The following C3 variants were observed in gnomAD, a reference collection of about 807,000 sequenced individuals.
The protein encoded by C3 is C3 and PZP-like alpha-2-macroglobulin domain-containing protein 1.
In C3, 97 loss-of-function variants were observed where a neutral mutation model predicts 207.9. The ratio of observed to expected loss-of-function variants is 0.47; its 90% CI spans 0.40 to 0.55. C3 has a LOEUF of 0.55. Ranked by LOEUF, C3 falls within the 20% of genes least tolerant of loss-of-function variation. The pLI is 0.00. For missense variants in C3, 1,684 were observed against 2,171.7 expected (o/e 0.78, Z 4.46); for synonymous variants, 848 against 857.6 (o/e 0.99, Z 0.20).
chr19:6,694,754 C>T (rs1306864396), intron 23 of C3, 120 bp from the exon 24 acceptor site: 2 of 862,618 alleles, frequency 2.3e-6, no homozygotes, highest in Non-Finnish European at 3.6e-6. Context: ...CAGGCGAGGA[C>T]TGGGGAGGAT....
At chr19:6,720,379 T>C (rs1293113929) in intron 1 of C3, 137 bp downstream of exon 1, 3 of 691,722 alleles carry the variant, frequency 4.3e-6, no homozygotes, top group African/African-American at 1.8e-5. Context: ...CAAATATATA[T>C]AATCATTCCC....
chr19:6,694,567 G>A lies in C3; in HGVS notation c.3018C>T (p.Thr1006=), dbSNP rs141373588. ...TGTTCTGTTCCCCGCAGCCCGAGGG[G>A]GTCACAATGAGGTGCTTCAGCCGTT... The part of the protein sequence containing the change: ...DAERLKHLIV[T]PSGCGEQNMI... Residue 1006 remains threonine, a synonymous_variant, in exon 24 of 41, where the codon ACC becomes ACT. Coordinates refer to ENST00000245907, the MANE Select transcript of C3 (RefSeq NM_000064.4). 59 of 1,613,962 alleles carry A rather than the reference G, an allele frequency of 3.7e-5. No individual in the cohort carries two copies. The African/African-American group carries it at 3.7e-4, about 10-fold the overall frequency.
chr19:6,714,142 C>G, intron 6 of C3, 24 bp downstream of exon 6: 2 of 1,605,604 alleles, frequency 1.2e-6, no homozygotes, highest in Non-Finnish European at 1.7e-6. Flanking sequence ...GGCACTGACT[C>G]CCCCCAGCCC....
In C3 at chr19:6,710,761, T is replaced by G; in HGVS notation, c.1564A>C (p.Thr522Pro). ...QDLVVLPLSI[T>P]TDFIPSFRLV... ...CGGAAGGAAGGGATGAAGTCGGTGG[T>G]GATGGACAGGGGCAGCACCACCAGG... The change falls in exon 13 of 41, where the codon ACC (threonine) becomes CCC (proline). Residue 522 changes from threonine to proline, a missense_variant. Transcript: ENST00000245907. The G allele has an allele frequency of 3.1e-6, 5 of 1,613,794 alleles. No individual in the cohort carries two copies. Among genetic ancestry groups the G allele is most frequent in the Non-Finnish European group, 4.2e-6 (5 of 1,180,010 alleles).
chr19:6,709,448 A>AAAACAAAC (rs11569424), intron 14 of C3, among the ~76,000 whole-genome samples: 4 of 151,508 alleles, frequency 2.6e-5, no homozygotes, highest in African/African-American at 7.3e-5. Context: ...CTCTGTCTCA[A>AAAACAAAC]AAACAAACAA....
intron 4 of C3, among the ~76,000 whole-genome samples, 194 bp from the exon 5 acceptor site, chr19:6,714,640 TC>T (rs1437701371): frequency 8.5e-5 from 13 of 152,292 alleles, no homozygotes; most frequent in Middle Eastern, 3.4e-3. Context: ...GGCGGGCAGA[TC>T]ACCTGAGGTC....
chr19:6,681,412 G>A (rs1289378179), intron 35 of C3, among the ~76,000 whole-genome samples: 1 of 150,650 alleles, frequency 6.6e-6, no homozygotes, highest in African/African-American at 2.4e-5. Context: ...TGGGTGCAGT[G>A]TCGCAGGCCT....
rs376376596 is a variant in C3 at position 6,710,620 on chromosome 19, G to A, written c.1686+19C>T. On this transcript the variant is annotated intron_variant, in intron 13 of 40. Coordinates refer to ENST00000245907, the MANE Select transcript of C3 (RefSeq NM_000064.4). ...GTAGGGAGAGGGAGAGGGGGCGAGC[G>A]AGCCCAGGGCACACTTACCGAGCCC... is the stretch of plus-strand genomic sequence containing the variant. 23 of 1,589,604 alleles carry A rather than the reference G, an allele frequency of 1.4e-5. No homozygotes were observed. The highest frequency in any genetic ancestry group is 2.2e-5 in the South Asian group (2 of 90,348).
chr19:6,694,626 C>T lies in C3; in HGVS notation c.2959G>A (p.Val987Met). 7 of 1,612,018 alleles carry T rather than the reference C, an allele frequency of 4.3e-6. No individual in the cohort carries two copies. Among genetic ancestry groups the T allele is most frequent in the Non-Finnish European group, 5.9e-6 (7 of 1,179,716 alleles). ...ACGGCATCCTCTGTCATCTGGGCCA[C>T]TGGGGTCCCTGCAGCAGGTGGGAAG... ...ETRILLQGTP[V>M]AQMTEDAVDA... The change falls in exon 24 of 41, where the codon GTG (valine) becomes ATG (methionine). Residue 987 changes from valine to methionine, a missense_variant. This residue lies in a region of C3 where 1,280 missense variants were observed against 1,739.1 expected (regional missense o/e 0.74). Coordinates refer to ENST00000245907, the MANE Select transcript of C3 (RefSeq NM_000064.4).
chr19:6,718,485 G>T, intron 2 of C3, 73 bp from the exon 3 acceptor site: 1 of 1,575,344 alleles, frequency 6.3e-7, no homozygotes, highest in Non-Finnish European at 8.7e-7. Flanking sequence ...CCGGATCTTG[G>T]GCTGGGTCCC....
intron 14 of C3, 49 bp downstream of exon 14, chr19:6,709,634 AG>A: frequency 4.4e-6 from 2 of 450,742 alleles, no homozygotes; most frequent in Non-Finnish European, 7.2e-6. Context: ...CCCCAGCCCC[AG>A]CTCCGTGCCT....
Position 6,693,094 on chromosome 19 carries a change from C to T in C3, c.3231-11G>A, listed in dbSNP as rs1210071365. 6.2e-7 allele frequency: 1 copy of T among 1,613,754 alleles called. No individual in the cohort carries two copies. The highest frequency in any genetic ancestry group is 1.1e-5 in the South Asian group (1 of 91,058). On this transcript the variant is annotated splice_polypyrimidine_tract_variant and intron_variant, in intron 25 of 40. Transcript: ENST00000245907. ...ACGTAGGCGGTCAGCCTGGAGTGGG[C>T]ACAGAGCATGAGCCAATCGGCTCTG...
rs1386345136 is a variant in C3, at chr19:6,678,026, G to A, written c.4851-3C>T. Reference sequence around the variant, plus strand: ...CCTTCCCGATGATGTAGCTGAGGCTGGAGGGAAGAATGGCAGGTCAGGAAG... The same window carrying A: ...CCTTCCCGATGATGTAGCTGAGGCTAGAGGGAAGAATGGCAGGTCAGGAAG... On this transcript the variant is annotated splice_region_variant and splice_polypyrimidine_tract_variant and intron_variant, in intron 40 of 40. Transcript: ENST00000245907. 1 of 1,614,214 alleles carries A rather than the reference G, an allele frequency of 6.2e-7. No homozygotes were observed. The highest frequency in any genetic ancestry group is 8.5e-7 in the Non-Finnish European group (1 of 1,180,034).
At position 6,710,853 on chromosome 19, in the gene C3, G is replaced by A. The variant is rs1379608808; in HGVS notation, c.1480-8C>T. On this transcript the variant is annotated splice_region_variant and splice_polypyrimidine_tract_variant and intron_variant, in intron 12 of 40. Coordinates refer to ENST00000245907, the MANE Select transcript of C3 (RefSeq NM_000064.4). ...CCTGCCCTTGTTCATGATCTGGGGG[G>A]ACAGGCTGGCATCAGGCTGGGGAGG... is the stretch of plus-strand genomic sequence containing the variant. The A allele has an allele frequency of 3.1e-6, 5 of 1,612,782 alleles. No individual in the cohort carries two copies. In the South Asian group the frequency reaches 4.4e-5, roughly 14 times the overall value.
In C3 at chr19:6,695,789, C is replaced by G. The variant is rs565705617; in HGVS notation, c.2950+590G>C. On this transcript the variant is annotated intron_variant, in intron 23 of 40. Transcript: ENST00000245907. Reference sequence around the variant, plus strand: ...AGTCTCATTTAAGCTGGTTTCCCATCTAAGAAGCACAGAAGGTCTAGAAAA... The same window carrying G: ...AGTCTCATTTAAGCTGGTTTCCCATGTAAGAAGCACAGAAGGTCTAGAAAA... 9.9e-5 allele frequency among the ~76,000 whole-genome samples: 15 copies of G among 152,172 alleles called. No homozygotes were observed. The South Asian group carries it at 3.1e-3, about 32-fold the overall frequency.
At chr19:6,712,673 A>G (rs1442231624) in intron 9 of C3, 50 bp from the exon 10 acceptor site, 2 of 1,475,744 alleles carry the variant, frequency 1.4e-6, no homozygotes, top group African/African-American at 1.4e-5. Flanking sequence ...CCTCAGGATT[A>G]GACCTCCTCC....
chr19:6,715,628 GTTTTT>G (rs1383678918), intron 4 of C3, among the ~76,000 whole-genome samples: 1 of 143,380 alleles, frequency 7.0e-6, no homozygotes, highest in African/African-American at 2.6e-5. Flanking sequence ...TGTTTTTTTT[GTTTTT>G]TTTTTTGAGA....
At position 6,686,082 on chromosome 19, in the gene C3, G is replaced by C. The variant is rs755234855; in HGVS notation, c.3810+42C>G. ...CTAGGAGGCCAGTGGGAAGCCGCAG[G>C]AGACAGGGATGCATGTGCCTAGGGG... On this transcript the variant is annotated intron_variant, in intron 29 of 40. Transcript: ENST00000245907. 2.5e-5 allele frequency: 40 copies of C among 1,606,570 alleles called. No homozygotes were observed. In the East Asian group the frequency reaches 8.5e-4, roughly 34 times the overall value.
At chr19:6,698,562 A>G (rs888995044) in intron 19 of C3, among the ~76,000 whole-genome samples, 16 of 152,008 alleles carry the variant, frequency 1.1e-4, no homozygotes, top group Non-Finnish European at 1.9e-4. Flanking sequence ...CTGATGATCT[A>G]GCTAGGTGCG....
Sources: gnomAD v4.1 joint callset for allele counts (sites outside exome capture counted in the v4.1 genomes callset) on GRCh38, gnomAD v4.1.1 for gene constraint, gnomAD v4.1.1 regional missense constraint, MANE v1.5 for transcripts, NCBI Gene and HGNC (gene_info 2026-07-23, HGNC 2026-07-21) for gene names.